SLC25A24: variants seen among roughly 807,000 people sequenced by gnomAD.
SLC25A24 encodes mitochondrial adenyl nucleotide antiporter SLC25A24.
Under a neutral mutation model 60.7 loss-of-function variants are expected in SLC25A24, and 49 were observed. The ratio of observed to expected loss-of-function variants is 0.81; its 90% CI spans 0.64 to 1.02. SLC25A24 has a LOEUF of 1.02. Ranked by LOEUF, SLC25A24 falls within the 50% of genes least tolerant of loss-of-function variation. SLC25A24 has a pLI of 0.00. For synonymous variants in SLC25A24, 202 were observed against 200.6 expected (o/e 1.01, Z -0.06); for missense variants, 564 against 586.3 (o/e 0.96, Z 0.39).
chr1:108,181,206 G>A (rs114681220), intron 3 of SLC25A24, among the ~76,000 whole-genome samples: 281 of 152,250 alleles, frequency 1.8e-3, no homozygotes, highest in Non-Finnish European at 3.3e-3. Context: ...GATATAAAAT[G>A]AGATAAATTC....
intron 3 of SLC25A24, among the ~76,000 whole-genome samples, chr1:108,178,540 C>T (rs573120634): frequency 2.6e-5 from 4 of 152,018 alleles, no homozygotes; most frequent in African/African-American, 4.8e-5. Flanking sequence ...TCAGGCCAGG[C>T]GCGGTGGCTC....
intron 9 of SLC25A24, among the ~76,000 whole-genome samples, chr1:108,137,738 G>A (rs922066873): frequency 6.6e-6 from 1 of 152,196 alleles, no homozygotes; most frequent in African/African-American, 2.4e-5. Context: ...CTGAATTTCA[G>A]TCCCACTATT....
intron 7 of SLC25A24, among the ~76,000 whole-genome samples, chr1:108,148,056 C>T (rs567233072): frequency 5.3e-5 from 8 of 152,160 alleles, no homozygotes; most frequent in Non-Finnish European, 7.3e-5. Context: ...GCTTGGAATC[C>T]GCCTCCAGCT....
At chr1:108,189,850 A>G (rs951330261) in intron 1 of SLC25A24, among the ~76,000 whole-genome samples, 2 of 136,420 alleles carry the variant, frequency 1.5e-5, no homozygotes, top group African/African-American at 6.1e-5. Context: ...AATTAAAGAT[A>G]AAGTAAAAAA....
At chr1:108,187,929 T>TAGAG in intron 1 of SLC25A24, among the ~76,000 whole-genome samples, 1 of 132,700 alleles carries the variant, frequency 7.5e-6, no homozygotes, top group South Asian at 2.3e-4. Context: ...ACATTATAGA[T>TAGAG]ATATATATAT....
At chr1:108,137,254 G>C (rs1188423701) in intron 9 of SLC25A24, among the ~76,000 whole-genome samples, 1 of 152,286 alleles carries the variant, frequency 6.6e-6, no homozygotes, top group African/African-American at 2.4e-5. Context: ...ACCCCACAGT[G>C]CTGCTGCTGC....
At chr1:108,162,364 G>C (rs1053352636) in intron 3 of SLC25A24, among the ~76,000 whole-genome samples, 1 of 149,842 alleles carries the variant, frequency 6.7e-6, no homozygotes, top group African/African-American at 2.5e-5. Flanking sequence ...CTGAGGAATT[G>C]CCACACTGAC....
At position 108,135,460 on chromosome 1, in the gene SLC25A24, GA is replaced by G. The variant is rs973768663; in HGVS notation, c.*1192del. The stretch of plus-strand genomic sequence containing the variant: ...TTCTAAGTTCTAATCACACAAATAA[GA>G]AAAGATAGTTGACTATAAAAATGGC... On this transcript the variant is annotated 3_prime_UTR_variant, in exon 10 of 10. Coordinates refer to ENST00000565488, the MANE Select transcript of SLC25A24 (RefSeq NM_013386.5). 2 of 152,236 alleles carry G rather than the reference GA, an allele frequency of 1.3e-5. No homozygotes were observed. Among genetic ancestry groups the G allele is most frequent in the African/African-American group, 4.8e-5 (2 of 41,388 alleles). 9.4% of individuals were successfully genotyped at this position (152,236 alleles called of 1,614,324 possible). A position where few individuals can be genotyped will look rare whatever the true frequency, so the allele number is the denominator to read the frequency against.
At chr1:108,137,077 G>A (rs1679310703) in intron 9 of SLC25A24, among the ~76,000 whole-genome samples, 1 of 152,026 alleles carries the variant, frequency 6.6e-6, no homozygotes, top group African/African-American at 2.4e-5. Flanking sequence ...TAAATACTGG[G>A]TTAATTACCT....
rs772236502 is a variant in SLC25A24 at position 108,199,963 on chromosome 1, G to A, written c.176C>T (p.Ala59Val). The A allele has an allele frequency of 1.2e-6, 2 of 1,605,416 alleles. No individual in the cohort carries two copies. The highest frequency in any genetic ancestry group is 1.7e-5 in the Admixed American group (1 of 59,154). Residue 59 changes from alanine (A) to valine (V), a missense_variant, in exon 1 of 10, where the codon GCC (alanine) becomes GTC (valine). Coordinates refer to ENST00000565488, the MANE Select transcript of SLC25A24 (RefSeq NM_013386.5). ...RNLGIPLGQD[A>V]EEKIFTTGDV... The stretch of plus-strand genomic sequence containing the variant: ...GCCCCGGCGGCGACCCACCTCCTCG[G>A]CGTCCTGGCCCAGAGGGATGCCCAG...
At chr1:108,167,064 T>G (rs1006044442) in intron 3 of SLC25A24, among the ~76,000 whole-genome samples, 2 of 113,272 alleles carry the variant, frequency 1.8e-5, no homozygotes, top group Non-Finnish European at 3.7e-5. Context: ...GAGGTGTCAG[T>G]GTGCCCCTGC....
intron 6 of SLC25A24, among the ~76,000 whole-genome samples, chr1:108,154,375 T>C (rs879927096): frequency 2.0e-5 from 3 of 152,172 alleles, no homozygotes; most frequent in Non-Finnish European, 4.4e-5. Flanking sequence ...TATTTCCCCT[T>C]TACATTGAGT....
intron 8 of SLC25A24, 49 bp from the exon 9 acceptor site, chr1:108,139,257 A>G: frequency 1.3e-6 from 2 of 1,530,566 alleles, no homozygotes; most frequent in Middle Eastern, 2.0e-4. Context: ...TACAACTTCA[A>G]CGTAAACATT....
intron 6 of SLC25A24, among the ~76,000 whole-genome samples, chr1:108,149,984 G>A (rs1679713252): frequency 6.6e-6 from 1 of 152,212 alleles, no homozygotes; most frequent in African/African-American, 2.4e-5. Context: ...TCCCCAGAGA[G>A]ATCACTGCTT....
chr1:108,160,082 G>T (rs1294412008), intron 4 of SLC25A24, among the ~76,000 whole-genome samples: 1 of 151,238 alleles, frequency 6.6e-6, no homozygotes. Flanking sequence ...GGGGTGGCTG[G>T]CCGGGCGGGG....
rs372405828 is a variant in SLC25A24 at position 108,166,839 on chromosome 1, A to T, written c.399-5546T>A. Among the ~76,000 whole-genome samples the T allele has an allele frequency of 3.3e-5, 5 of 152,142 alleles. No homozygotes were observed. In the East Asian group the frequency reaches 5.8e-4, roughly 18 times the overall value. On this transcript the variant is annotated intron_variant, in intron 3 of 9. Transcript: ENST00000565488. ...CTTTGTTCCGTTGCTGGTGAGGAACAGCGTTCCTTTGGAGGAGGAGAGGCA... is the reference window on the plus strand; with the variant it reads ...CTTTGTTCCGTTGCTGGTGAGGAACTGCGTTCCTTTGGAGGAGGAGAGGCA...
intron 7 of SLC25A24, among the ~76,000 whole-genome samples, chr1:108,145,182 C>G (rs1679552422): frequency 6.6e-6 from 1 of 152,116 alleles, no homozygotes; most frequent in African/African-American, 2.4e-5. Flanking sequence ...GATGATGAGC[C>G]TTTTCTCACG....
chr1:108,137,116 A>G (rs189822035), intron 9 of SLC25A24, among the ~76,000 whole-genome samples: 1 of 152,296 alleles, frequency 6.6e-6, no homozygotes, highest in East Asian at 1.9e-4. Context: ...GGTAAATGTT[A>G]TATCAATTTT....
chr1:108,172,984 C>G (rs1442773942), intron 3 of SLC25A24, among the ~76,000 whole-genome samples: 1 of 152,054 alleles, frequency 6.6e-6, no homozygotes, highest in African/African-American at 2.4e-5. Context: ...AAATATAAAT[C>G]AAAGCCATGA....
Sources: gnomAD v4.1 joint callset for allele counts (sites outside exome capture counted in the v4.1 genomes callset) on GRCh38, gnomAD v4.1.1 for gene constraint, MANE v1.5 for transcripts, NCBI Gene and HGNC (gene_info 2026-07-23, HGNC 2026-07-21) for gene names.